The following DLGAP1 variants were observed in gnomAD, a reference collection of about 807,000 sequenced individuals.
The protein encoded by DLGAP1 is DLG associated protein 1, also known as disks large-associated protein 1.
A neutral mutation model predicts 90.8 loss-of-function variants in DLGAP1; 11 were observed. The ratio of observed to expected loss-of-function variants is 0.12; its 90% CI spans 0.08 to 0.20. DLGAP1 has a LOEUF of 0.20. DLGAP1 is among the 10% of genes least tolerant of loss of function. The pLI, the probability that DLGAP1 is intolerant of heterozygous loss-of-function variation, is 1.00. For synonymous variants in DLGAP1, 558 were observed against 540.7 expected (o/e 1.03, Z -0.44); for missense variants, 1,050 against 1,333.8 (o/e 0.79, Z 3.31).
At chr18:4,273,736 T>G (rs1305082877) in intron 1 of DLGAP1, among the ~76,000 whole-genome samples, 2 of 152,190 alleles carry the variant, frequency 1.3e-5, no homozygotes, top group Non-Finnish European at 2.9e-5. Flanking sequence ...TGCCCCTCCT[T>G]AAGTTAATTT....
chr18:4,359,839 T>C (rs1217254574), intron 1 of DLGAP1, among the ~76,000 whole-genome samples: 1 of 152,140 alleles, frequency 6.6e-6, no homozygotes, highest in African/African-American at 2.4e-5. Context: ...AAGAAAATAG[T>C]CAGTAATCTT....
chr18:3,602,603 A>AC (rs1285252303), intron 7 of DLGAP1, among the ~76,000 whole-genome samples: 10 of 149,806 alleles, frequency 6.7e-5, no homozygotes, highest in African/African-American at 2.3e-4. Flanking sequence ...CAAAAAAAAA[A>AC]AAAAAAAAAA....
intron 7 of DLGAP1, among the ~76,000 whole-genome samples, chr18:3,589,047 G>A (rs2056081842): frequency 6.6e-6 from 1 of 151,934 alleles, no homozygotes; most frequent in Non-Finnish European, 1.5e-5. Context: ...AATTAACCCA[G>A]CGTGGTGGCA....
intron 1 of DLGAP1, among the ~76,000 whole-genome samples, chr18:4,348,749 G>GC (rs1567851996): frequency 6.6e-6 from 1 of 151,932 alleles, no homozygotes; most frequent in East Asian, 1.9e-4. Context: ...CCCTGAAGGA[G>GC]CCCCCAATGG....
At chr18:3,741,085 CCAT>C (rs1568048201) in intron 6 of DLGAP1, among the ~76,000 whole-genome samples, 3 of 128,584 alleles carry the variant, frequency 2.3e-5, no homozygotes, top group African/African-American at 6.2e-5. Flanking sequence ...ACCACCATCA[CCAT>C]CACCACCACC....
intron 1 of DLGAP1, among the ~76,000 whole-genome samples, chr18:4,394,222 G>A (rs984038710): frequency 6.6e-6 from 1 of 152,082 alleles, no homozygotes. Flanking sequence ...CATGAGCCTT[G>A]AAAAAACGTA....
chr18:4,380,132 A>G (rs2082086277), intron 1 of DLGAP1, among the ~76,000 whole-genome samples: 2 of 152,206 alleles, frequency 1.3e-5, no homozygotes, highest in South Asian at 4.1e-4. Context: ...AATTATACTC[A>G]TGACTATGAA....
At chr18:3,723,568 G>C (rs2062052575) in intron 7 of DLGAP1, among the ~76,000 whole-genome samples, 1 of 152,092 alleles carries the variant, frequency 6.6e-6, no homozygotes, top group South Asian at 2.1e-4. Flanking sequence ...TTGTGTGGGG[G>C]GGGAGTGGGG....
chr18:4,402,384 T>C (rs1265027959), intron 1 of DLGAP1, among the ~76,000 whole-genome samples: 2 of 152,248 alleles, frequency 1.3e-5, no homozygotes, highest in Non-Finnish European at 2.9e-5. Flanking sequence ...TCTCTATTTA[T>C]ATTATTAATG....
At chr18:3,973,290 C>CA (rs3031700) in intron 3 of DLGAP1, among the ~76,000 whole-genome samples, 56,801 of 132,720 alleles carry the variant, frequency 0.43, 13,092 homozygotes, top group East Asian at 0.61. Context: ...TAGCCATAGC[C>CA]AAAAAAAAAA....
chr18:3,503,700 C>G (rs1477720037), intron 11 of DLGAP1, among the ~76,000 whole-genome samples: 1 of 152,174 alleles, frequency 6.6e-6, no homozygotes, highest in East Asian at 1.9e-4. Flanking sequence ...AAAATGATAT[C>G]AGAATTTTGG....
At chr18:4,331,457 A>C (rs1598916282) in intron 1 of DLGAP1, among the ~76,000 whole-genome samples, 1 of 151,824 alleles carries the variant, frequency 6.6e-6, no homozygotes, top group South Asian at 2.1e-4. Flanking sequence ...AAAAGAGGTC[A>C]AGATCTTCAT....
intron 1 of DLGAP1, among the ~76,000 whole-genome samples, chr18:4,208,487 G>C (rs541294292): frequency 6.6e-6 from 1 of 152,258 alleles, no homozygotes; most frequent in Non-Finnish European, 1.5e-5. Context: ...AGCCATAGGT[G>C]GAGTTGGGAA....
chr18:4,088,682 G>A (rs754176174), intron 2 of DLGAP1, among the ~76,000 whole-genome samples: 7 of 151,950 alleles, frequency 4.6e-5, no homozygotes, highest in Non-Finnish European at 8.8e-5. Context: ...TCCTCCAGCC[G>A]TCTGAAGATG....
At chr18:4,426,224 C>A (rs547998606) in intron 1 of DLGAP1, among the ~76,000 whole-genome samples, 56 of 152,172 alleles carry the variant, frequency 3.7e-4, no homozygotes, top group Non-Finnish European at 6.6e-4. Context: ...ACCCTAACCC[C>A]CATCTCCACA....
At chr18:4,439,967 A>C (rs866522162) in intron 1 of DLGAP1, among the ~76,000 whole-genome samples, 21 of 150,596 alleles carry the variant, frequency 1.4e-4, no homozygotes, top group African/African-American at 5.1e-4. Context: ...AAAAATACAA[A>C]AAATTAGCCA....
At chr18:3,758,950 A>G (rs1169390710) in intron 5 of DLGAP1, among the ~76,000 whole-genome samples, 1 of 152,168 alleles carries the variant, frequency 6.6e-6, no homozygotes, top group Non-Finnish European at 1.5e-5. Flanking sequence ...CTATTTCACC[A>G]ACCAATGTGC....
At chr18:4,380,570 T>G (rs528127919) in intron 1 of DLGAP1, among the ~76,000 whole-genome samples, 33 of 152,290 alleles carry the variant, frequency 2.2e-4, no homozygotes, top group African/African-American at 7.2e-4. Context: ...TCAAGAAGCA[T>G]ACCAAGCTGA....
chr18:4,390,675 A>C (rs1484601992), intron 1 of DLGAP1, among the ~76,000 whole-genome samples: 1 of 151,966 alleles, frequency 6.6e-6, no homozygotes, highest in Non-Finnish European at 1.5e-5. Context: ...AGTTTCCTTC[A>C]TGTCTTTTTG....
Sources: allele counts gnomAD v4.1 joint callset (sites outside exome capture counted in the v4.1 genomes callset), GRCh38; gene constraint gnomAD v4.1.1; transcripts MANE v1.5; gene names NCBI Gene and HGNC (gene_info 2026-07-23, HGNC 2026-07-21).